Variants in PAK5 observed in about 807,000 individuals in gnomAD.
PAK5 encodes the protein p21 (RAC1) activated kinase 5.
In PAK5, 16 loss-of-function variants were observed where a neutral mutation model predicts 65.9. The observed-to-expected ratio is 0.24, with a 90% CI of 0.16 to 0.37. The LOEUF (loss-of-function observed/expected upper bound fraction) is 0.37. PAK5 is among the 10% of genes least tolerant of loss of function. The pLI is 1.00. For missense variants in PAK5, 785 were observed against 903.9 expected, an observed-to-expected ratio of 0.87 and a Z score of 1.69; for synonymous variants, 371 against 354.9, an observed-to-expected ratio of 1.05 and a Z score of -0.51.
chr20:9,760,845 T>C (rs1232218305), intron 1 of PAK5, among the ~76,000 whole-genome samples: 1 of 152,038 alleles, frequency 6.6e-6, no homozygotes, highest in Non-Finnish European at 1.5e-5. Context: ...CTAATTTTTT[T>C]GTATTTTTAG....
chr20:9,734,723 T>C (rs2048370515), intron 1 of PAK5, among the ~76,000 whole-genome samples: 1 of 152,208 alleles, frequency 6.6e-6, no homozygotes, highest in African/African-American at 2.4e-5. Flanking sequence ...TTTCTCTCAT[T>C]GTGTGTAATA....
chr20:9,763,898 G>A (rs2048727750), intron 1 of PAK5, among the ~76,000 whole-genome samples: 1 of 151,998 alleles, frequency 6.6e-6, no homozygotes, highest in Non-Finnish European at 1.5e-5. Context: ...ATAAATATAT[G>A]CGTATCCTTT....
In PAK5 at chr20:9,768,277, A is replaced by T. The variant is rs138990927; in HGVS notation, c.-161-56842T>A. 9.2e-5 allele frequency among the ~76,000 whole-genome samples: 14 copies of T among 152,036 alleles called. No homozygotes were observed. In the East Asian group the frequency reaches 2.3e-3, roughly 25 times the overall value. On this transcript the variant is annotated intron_variant, in intron 1 of 9. Coordinates refer to ENST00000353224, the MANE Select transcript of PAK5 (RefSeq NM_177990.4). ...AGAAAACCAAATCTCACACTTTCTC[A>T]TAAGTGGGAGCTAAACATCGAGCAC...
intron 3 of PAK5, among the ~76,000 whole-genome samples, chr20:9,629,337 T>C (rs747100540): frequency 4.6e-5 from 7 of 152,222 alleles, no homozygotes; most frequent in South Asian, 2.1e-4. Context: ...GGAACTGCTA[T>C]AGCAAATACC....
At chr20:9,669,749 A>G (rs934070069) in intron 2 of PAK5, among the ~76,000 whole-genome samples, 1 of 151,818 alleles carries the variant, frequency 6.6e-6, no homozygotes, top group Non-Finnish European at 1.5e-5. Context: ...CTTTATTTTT[A>G]TTTTTATTTA....
chr20:9,642,739 T>C (rs186281376), intron 3 of PAK5, among the ~76,000 whole-genome samples: 1 of 152,340 alleles, frequency 6.6e-6, no homozygotes, highest in East Asian at 1.9e-4. Flanking sequence ...CTAATAAATA[T>C]CAATTGATAT....
At chr20:9,736,750 C>T (rs2048393742) in intron 1 of PAK5, among the ~76,000 whole-genome samples, 2 of 152,096 alleles carry the variant, frequency 1.3e-5, no homozygotes, top group Non-Finnish European at 2.9e-5. Flanking sequence ...GCTTATGTGG[C>T]CAAATTGGCT....
At chr20:9,559,949 A>T (rs2045567442) in intron 6 of PAK5, among the ~76,000 whole-genome samples, 1 of 152,218 alleles carries the variant, frequency 6.6e-6, no homozygotes, top group Admixed American at 6.5e-5. Flanking sequence ...CACATTCCTC[A>T]GAGGTTTACA....
chr20:9,825,045 TAGAC>T (rs1276959850), intron 1 of PAK5, among the ~76,000 whole-genome samples: 1 of 152,184 alleles, frequency 6.6e-6, no homozygotes, highest in Non-Finnish European at 1.5e-5. Flanking sequence ...ACTAGCCTAA[TAGAC>T]AGATCCAGTT....
rs778814789 is a variant in PAK5 at position 9,580,894 on chromosome 20, A to G, written c.241T>C (p.Ser81Pro). The change falls in exon 4 of 10, where the codon TCC becomes CCC. Residue 81 changes from serine to proline, a missense_variant. By Grantham distance (74) the Ser-to-Pro change is moderately conservative. This residue lies in a region of PAK5 where 71 missense variants were observed against 110.2 expected (regional missense o/e 0.64). Transcript: ENST00000353224. ...VRGNKPCKET[S>P]INGLLEDFDN... ...AAATCCTCTAGCAGGCCGTTGATGGAGGTTTCCTTGCAGGGTTTGTTTCCT... is the reference window on the plus strand; with the variant it reads ...AAATCCTCTAGCAGGCCGTTGATGGGGGTTTCCTTGCAGGGTTTGTTTCCT... The G allele has an allele frequency of 6.2e-7, 1 of 1,606,254 alleles. No homozygotes were observed. The highest frequency in any genetic ancestry group is 2.2e-5 in the East Asian group (1 of 44,766).
intron 3 of PAK5, among the ~76,000 whole-genome samples, chr20:9,642,492 TAGA>T (rs1271112836): frequency 1.3e-5 from 2 of 152,318 alleles, no homozygotes; most frequent in East Asian, 3.9e-4. Context: ...TGATAAATAG[TAGA>T]AGACTTTTCA....
chr20:9,661,894 G>A lies in PAK5; in HGVS notation c.-11-17555C>T, dbSNP rs549242959. Among the ~76,000 whole-genome samples the A allele has an allele frequency of 1.1e-4, 16 of 152,274 alleles. No individual in the cohort carries two copies. The East Asian group carries it at 2.1e-3, about 20-fold the overall frequency. ...TCCTACAACCACAAAAGGTAGCACA[G>A]TGAAATGATCATTTAGGATATGTCT... On this transcript the variant is annotated intron_variant, in intron 2 of 9. Transcript: ENST00000353224.
intron 2 of PAK5, among the ~76,000 whole-genome samples, chr20:9,688,451 C>T (rs2123425276): frequency 6.6e-6 from 1 of 152,106 alleles, no homozygotes; most frequent in Middle Eastern, 3.4e-3. Flanking sequence ...CAGTTGATAA[C>T]CAACCCTGAC....
At chr20:9,554,415 T>C (rs1432412109) in intron 7 of PAK5, among the ~76,000 whole-genome samples, 1 of 152,210 alleles carries the variant, frequency 6.6e-6, no homozygotes, top group Non-Finnish European at 1.5e-5. Flanking sequence ...GGTGATCTGG[T>C]GGCAGCTCCA....
At chr20:9,759,766 G>A (rs2047485047) in intron 1 of PAK5, among the ~76,000 whole-genome samples, 2 of 152,310 alleles carry the variant, frequency 1.3e-5, no homozygotes, top group South Asian at 4.1e-4. Flanking sequence ...CTGGAGGCAG[G>A]AAGAGAATGT....
chr20:9,802,969 T>A (rs2049189949), intron 1 of PAK5, among the ~76,000 whole-genome samples: 1 of 113,650 alleles, frequency 8.8e-6, no homozygotes. Flanking sequence ...TTAGTACAAA[T>A]TAAAGAAAAA....
intron 1 of PAK5, among the ~76,000 whole-genome samples, chr20:9,784,038 T>C (rs1257129731): frequency 6.6e-6 from 1 of 151,922 alleles, no homozygotes; most frequent in African/African-American, 2.4e-5. Context: ...CATGAAATGT[T>C]AAAAAAAATA....
chr20:9,823,038 G>A (rs1287905279), intron 1 of PAK5, among the ~76,000 whole-genome samples: 1 of 152,192 alleles, frequency 6.6e-6, no homozygotes, highest in Non-Finnish European at 1.5e-5. Flanking sequence ...AAAATACTAA[G>A]AGTCTTTAGC....
chr20:9,617,608 T>G (rs1054407778), intron 3 of PAK5, among the ~76,000 whole-genome samples: 4 of 134,230 alleles, frequency 3.0e-5, no homozygotes, highest in Non-Finnish European at 3.0e-5. Flanking sequence ...CAGGCTGGAG[T>G]GCAGTGGTGC....
Sources: allele counts gnomAD v4.1 joint callset (sites outside exome capture counted in the v4.1 genomes callset), GRCh38; gene constraint gnomAD v4.1.1; regional missense constraint gnomAD v4.1.1; transcripts MANE v1.5; gene names NCBI Gene and HGNC (gene_info 2026-07-23, HGNC 2026-07-21).